Variants in ARL8B observed in about 807,000 individuals in gnomAD.
ARL8B encodes the protein ARF like GTPase 8B.
A neutral mutation model predicts 30.6 loss-of-function variants in ARL8B; 9 were observed. That is an observed-to-expected ratio of 0.29 (90% confidence interval 0.18 to 0.51). ARL8B has a LOEUF of 0.51. Ranked by LOEUF, ARL8B falls within the 20% of genes least tolerant of loss-of-function variation. ARL8B has a pLI of 0.97. For synonymous variants in ARL8B, 74 were observed against 76.0 expected (o/e 0.97, Z 0.14); for missense variants, 130 against 227.2 (o/e 0.57, Z 2.75).
intron 1 of ARL8B, among the ~76,000 whole-genome samples, chr3:5,140,283 C>T (rs1479250937): frequency 1.3e-5 from 2 of 152,006 alleles, no homozygotes; most frequent in South Asian, 2.1e-4. Flanking sequence ...ATCATGGGGA[C>T]GATTTTCCCC....
Position 5,122,508 on chromosome 3 carries a change from C to T in ARL8B, c.43C>T (p.Leu15Phe). Residue 15 changes from leucine to phenylalanine, a missense_variant, in exon 1 of 7, where the codon CTC (leucine) becomes TTC (phenylalanine). Leu to Phe is a conservative substitution (Grantham distance 22). Transcript: ENST00000256496. ...CCGCCTGCTGGACTGGTTCCGTTCG[C>T]TCTTCTGGAAGGAAGAGATGGAGCT... The part of the protein sequence containing the change: ...ISRLLDWFRS[L>F]FWKEEMELTL... 3.7e-6 allele frequency: 6 copies of T among 1,613,764 alleles called. No individual in the cohort carries two copies. Among genetic ancestry groups the T allele is most frequent in the Non-Finnish European group, 5.1e-6 (6 of 1,179,798 alleles).
At position 5,172,714 on chromosome 3, in the gene ARL8B, G is replaced by C; in HGVS notation, c.346G>C (p.Asp116His). The change falls in exon 4 of 7, where the codon GAT (aspartate) becomes CAT (histidine). Residue 116 changes from aspartate (D) to histidine (H), a missense_variant. Transcript: ENST00000256496. Reference sequence around the variant, plus strand: ...CCGAAATGAGCTACATAATCTTCTAGATAAACCACAGTTACAAGGAATTCC... The same window carrying C: ...CCGAAATGAGCTACATAATCTTCTACATAAACCACAGTTACAAGGAATTCC... The part of the protein sequence containing the change: ...ASRNELHNLL[D>H]KPQLQGIPVL... 2.5e-6 allele frequency: 4 copies of C among 1,610,316 alleles called. No homozygotes were observed. The highest frequency in any genetic ancestry group is 3.4e-6 in the Non-Finnish European group (4 of 1,177,460).
chr3:5,147,183 C>T (rs955575126), intron 1 of ARL8B, among the ~76,000 whole-genome samples: 6 of 152,238 alleles, frequency 3.9e-5, no homozygotes, highest in African/African-American at 4.8e-5. Flanking sequence ...TCCTACCCCA[C>T]GACAGGCCCT....
At chr3:5,166,917 T>G (rs2054629821) in intron 1 of ARL8B, among the ~76,000 whole-genome samples, 1 of 152,180 alleles carries the variant, frequency 6.6e-6, no homozygotes, top group African/African-American at 2.4e-5. Flanking sequence ...TTCATCTCCT[T>G]GCTTACCTGT....
At chr3:5,147,100 G>A (rs906872204) in intron 1 of ARL8B, among the ~76,000 whole-genome samples, 17 of 151,274 alleles carry the variant, frequency 1.1e-4, no homozygotes, top group African/African-American at 4.1e-4. Flanking sequence ...GTATACATGT[G>A]CCATGTTGGT....
At chr3:5,151,591 G>T (rs1312033956) in intron 1 of ARL8B, among the ~76,000 whole-genome samples, 1 of 152,144 alleles carries the variant, frequency 6.6e-6, no homozygotes, top group African/African-American at 2.4e-5. Context: ...ATATAGCCAA[G>T]TATTTGGTTG....
At chr3:5,145,532 C>T (rs1320939728) in intron 1 of ARL8B, among the ~76,000 whole-genome samples, 2 of 152,122 alleles carry the variant, frequency 1.3e-5, no homozygotes, top group Non-Finnish European at 2.9e-5. Context: ...TGCCTCTTCC[C>T]TCCCCAGGTT....
chr3:5,135,011 G>A (rs1389830352), intron 1 of ARL8B, among the ~76,000 whole-genome samples: 1 of 152,056 alleles, frequency 6.6e-6, no homozygotes, highest in African/African-American at 2.4e-5. Context: ...ACCACGCTTG[G>A]CTAATCTTTG....
intron 1 of ARL8B, among the ~76,000 whole-genome samples, chr3:5,147,531 C>T (rs891240327): frequency 2.0e-5 from 3 of 152,244 alleles, no homozygotes; most frequent in African/African-American, 2.4e-5. Context: ...CTTTTTCCTG[C>T]GTTTCCCTTC....
chr3:5,177,723 G>A (rs1054532020), intron 6 of ARL8B, among the ~76,000 whole-genome samples: 2 of 152,056 alleles, frequency 1.3e-5, no homozygotes, highest in Non-Finnish European at 2.9e-5. Context: ...CCAAAGTGTG[G>A]GATTACAGGT....
intron 6 of ARL8B, among the ~76,000 whole-genome samples, chr3:5,177,920 G>A (rs577349614): frequency 1.3e-5 from 2 of 152,304 alleles, no homozygotes; most frequent in Non-Finnish European, 2.9e-5. Context: ...CCACAATGGT[G>A]AACAGTTCAT....
intron 1 of ARL8B, among the ~76,000 whole-genome samples, chr3:5,136,804 G>C (rs934110955): frequency 4.6e-5 from 7 of 152,150 alleles, no homozygotes; most frequent in African/African-American, 1.7e-4. Flanking sequence ...TTCTTTGCCT[G>C]TGATGCTTGT....
rs2054193543 is a variant in ARL8B, at chr3:5,122,786, T to A, written c.123+198T>A. Among the ~76,000 whole-genome samples the A allele has an allele frequency of 3.3e-5, 5 of 152,186 alleles. No individual in the cohort carries two copies. In the South Asian group the frequency reaches 1.0e-3, roughly 32 times the overall value. ...GGCGGCGCGGGGAGTAGCACTGAGA[T>A]CGGCAGCGGAAGGGTTAAGTCAGTG... On this transcript the variant is annotated intron_variant, in intron 1 of 6. Transcript: ENST00000256496.
chr3:5,139,336 G>C (rs1167515574), intron 1 of ARL8B, among the ~76,000 whole-genome samples: 1 of 152,190 alleles, frequency 6.6e-6, no homozygotes, highest in East Asian at 1.9e-4. Flanking sequence ...GCCTAGGCTA[G>C]CAGTCTTTAA....
chr3:5,165,925 A>T (rs985378394), intron 1 of ARL8B, among the ~76,000 whole-genome samples: 2 of 152,206 alleles, frequency 1.3e-5, no homozygotes, highest in African/African-American at 4.8e-5. Flanking sequence ...TGTTCTTTCC[A>T]GTGTCAGATA....
intron 2 of ARL8B, 111 bp from the exon 3 acceptor site, chr3:5,172,039 A>G: frequency 9.5e-7 from 1 of 1,056,496 alleles, no homozygotes; most frequent in South Asian, 1.6e-5. Flanking sequence ...TTTGCCTCTA[A>G]CATTGTAGAA....
intron 1 of ARL8B, among the ~76,000 whole-genome samples, chr3:5,129,396 G>T (rs952099885): frequency 6.6e-6 from 1 of 152,106 alleles, no homozygotes; most frequent in African/African-American, 2.4e-5. Context: ...TTTGTCCTCT[G>T]GTATTTTTTA....
intron 1 of ARL8B, among the ~76,000 whole-genome samples, chr3:5,135,728 A>G (rs2054318830): frequency 6.6e-6 from 1 of 150,658 alleles, no homozygotes; most frequent in South Asian, 2.1e-4. Flanking sequence ...AAGTGCTAGG[A>G]TTACAGGCGT....
chr3:5,135,403 C>T (rs1351227614), intron 1 of ARL8B, among the ~76,000 whole-genome samples: 1 of 151,872 alleles, frequency 6.6e-6, no homozygotes, highest in African/African-American at 2.4e-5. Flanking sequence ...CCTCAGCCTC[C>T]CTAAGTGCTG....
Sources: gnomAD v4.1 joint callset for allele counts (sites outside exome capture counted in the v4.1 genomes callset) on GRCh38, gnomAD v4.1.1 for gene constraint, MANE v1.5 for transcripts, NCBI Gene and HGNC (gene_info 2026-07-23, HGNC 2026-07-21) for gene names.